ZNF385D: variants seen among roughly 807,000 people sequenced by gnomAD.
ZNF385D encodes the protein zinc finger protein 659.
In ZNF385D, 15 loss-of-function variants were observed where a neutral mutation model predicts 35.8. That is an observed-to-expected ratio of 0.42 (90% confidence interval 0.28 to 0.64). ZNF385D has a LOEUF of 0.64. ZNF385D is among the 30% of genes least tolerant of loss of function. ZNF385D has a pLI of 0.23. For missense variants in ZNF385D, 474 were observed against 494.6 expected (o/e 0.96, Z 0.39); for synonymous variants, 212 against 186.8 (o/e 1.13, Z -1.10).
intron 2 of ZNF385D, among the ~76,000 whole-genome samples, chr3:22,175,675 G>C (rs1185429096): frequency 6.6e-6 from 1 of 151,518 alleles, no homozygotes; most frequent in Non-Finnish European, 1.5e-5. Flanking sequence ...CTTTTATTCA[G>C]CATTTCCTTG....
At chr3:21,960,982 G>A (rs9809324) in intron 3 of ZNF385D, among the ~76,000 whole-genome samples, 104,024 of 151,890 alleles carry the variant, frequency 0.68, 36,775 homozygotes, top group Non-Finnish European at 0.77. Context: ...AGATGGGAGG[G>A]ATGATTTCTG....
chr3:21,717,248 G>C (rs2068359744), intron 1 of ZNF385D, among the ~76,000 whole-genome samples: 1 of 152,182 alleles, frequency 6.6e-6, no homozygotes, highest in Admixed American at 6.5e-5. Flanking sequence ...TGTGAATACA[G>C]TTATGCCTTT....
intron 2 of ZNF385D, among the ~76,000 whole-genome samples, chr3:22,353,308 C>A (rs1696002483): frequency 6.6e-6 from 1 of 152,194 alleles, no homozygotes; most frequent in South Asian, 2.1e-4. Flanking sequence ...GGCACTGCCT[C>A]TTTGAATTCC....
chr3:21,459,314 A>AT (rs1465703088), intron 4 of ZNF385D: 1 of 152,118 alleles, frequency 6.6e-6, no homozygotes. Context: ...TACTATAATT[A>AT]TTTTTTAAAT....
intron 3 of ZNF385D, among the ~76,000 whole-genome samples, chr3:21,757,480 G>A (rs559243541): frequency 2.0e-5 from 3 of 152,202 alleles, no homozygotes; most frequent in African/African-American, 7.2e-5. Context: ...TAATTTGATA[G>A]ACAGCTAATA....
chr3:21,437,018 A>G lies in ZNF385D; in HGVS notation c.625T>C (p.Cys209Arg). The change falls in exon 5 of 8, where the codon TGC becomes CGC. Residue 209 changes from cysteine to arginine, a missense_variant. Cys to Arg is a radical substitution (Grantham distance 180). Transcript: ENST00000281523. ...GAGGCAGAGTTGACAGCAACCTTGC[A>G]TAGCGAACAGTAAAGAAGCCGTTTT... Reference protein sequence around the residue: ...KAKRLLYCSLCKVAVNSASQL... With the variant: ...KAKRLLYCSLRKVAVNSASQL... The G allele has an allele frequency of 6.2e-7, 1 of 1,614,008 alleles. No homozygotes were observed. Among genetic ancestry groups the G allele is most frequent in the Non-Finnish European group, 8.5e-7 (1 of 1,179,896 alleles).
At position 22,313,430 on chromosome 3, in the gene ZNF385D, C is replaced by A. The variant is rs1047558235; in HGVS notation, c.106+59020G>T. On this transcript the variant is annotated intron_variant, in intron 2 of 5. Transcript: ENST00000494108. ...AATTTAAAAAAAGATGTAGATATAA[C>A]ATTTTTAAAAAAATACAACATGGAC... 2.0e-5 allele frequency among the ~76,000 whole-genome samples: 3 copies of A among 151,880 alleles called. No homozygotes were observed. The South Asian group carries it at 6.2e-4, about 32-fold the overall frequency.
intron 4 of ZNF385D, among the ~76,000 whole-genome samples, chr3:21,473,762 CCTT>C (rs543442883): frequency 3.9e-5 from 6 of 152,196 alleles, no homozygotes; most frequent in East Asian, 1.9e-4. Context: ...TCTTTGGAAT[CCTT>C]CTTATATCTC....
At chr3:21,750,746 A>T in intron 1 of ZNF385D, 149 bp downstream of exon 1, 1 of 871,324 alleles carries the variant, frequency 1.1e-6, no homozygotes, top group Non-Finnish European at 1.8e-6. Flanking sequence ...GGAAGCTTTG[A>T]AGGCTGCACC....
chr3:21,854,598 T>G (rs1696602513), intron 3 of ZNF385D, among the ~76,000 whole-genome samples: 1 of 151,958 alleles, frequency 6.6e-6, no homozygotes. Context: ...GTCCTATTCT[T>G]ATGAGTTTTT....
intron 1 of ZNF385D, among the ~76,000 whole-genome samples, chr3:21,669,886 T>C (rs957824232): frequency 2.6e-5 from 4 of 152,188 alleles, no homozygotes; most frequent in African/African-American, 4.8e-5. Flanking sequence ...AATTAATATA[T>C]TGAAATACTC....
At chr3:21,575,269 C>T (rs1253543292) in intron 2 of ZNF385D, among the ~76,000 whole-genome samples, 3 of 152,074 alleles carry the variant, frequency 2.0e-5, no homozygotes, top group Admixed American at 6.5e-5. Flanking sequence ...CAGGTCTGTG[C>T]AGGGTGGAGG....
intron 3 of ZNF385D, among the ~76,000 whole-genome samples, chr3:22,065,074 A>G (rs528418260): frequency 6.1e-4 from 93 of 152,320 alleles, no homozygotes; most frequent in African/African-American, 2.2e-3. Context: ...TCCTTAAACA[A>G]ATTAGTTAGC....
intron 1 of ZNF385D, among the ~76,000 whole-genome samples, chr3:21,738,081 G>C (rs184065475): frequency 6.6e-6 from 1 of 152,362 alleles, no homozygotes; most frequent in South Asian, 2.1e-4. Context: ...GTCTTTCCCT[G>C]ATCTCAGCCT....
At chr3:21,726,031 A>G (rs1017321017) in intron 1 of ZNF385D, among the ~76,000 whole-genome samples, 1 of 152,194 alleles carries the variant, frequency 6.6e-6, no homozygotes, top group African/African-American at 2.4e-5. Flanking sequence ...ACATACACAA[A>G]TCAATATACA....
intron 3 of ZNF385D, among the ~76,000 whole-genome samples, chr3:22,103,214 A>AT (rs34216046): frequency 0.73 from 108,046 of 147,452 alleles, 40,198 homozygotes; most frequent in African/African-American, 0.86. Flanking sequence ...CCCTGGGGCC[A>AT]TTTTTTTTTT....
At chr3:21,576,041 T>A (rs1463279512) in intron 2 of ZNF385D, among the ~76,000 whole-genome samples, 1 of 152,220 alleles carries the variant, frequency 6.6e-6, no homozygotes, top group Non-Finnish European at 1.5e-5. Context: ...CAATATGGAA[T>A]ACAGAATACC....
intron 3 of ZNF385D, among the ~76,000 whole-genome samples, chr3:21,935,386 A>G (rs1701210101): frequency 6.6e-6 from 1 of 152,314 alleles, no homozygotes; most frequent in African/African-American, 2.4e-5. Flanking sequence ...AAATAACTAT[A>G]TGACTTGAAT....
At chr3:21,840,961 T>C (rs1695634382) in intron 3 of ZNF385D, among the ~76,000 whole-genome samples, 1 of 152,028 alleles carries the variant, frequency 6.6e-6, no homozygotes, top group South Asian at 2.1e-4. Context: ...GTAGTGGACA[T>C]GTATCCAATC....
Sources: allele counts gnomAD v4.1 joint callset (sites outside exome capture counted in the v4.1 genomes callset), GRCh38; gene constraint gnomAD v4.1.1; transcripts MANE v1.5; gene names NCBI Gene and HGNC (gene_info 2026-07-23, HGNC 2026-07-21).